COL5A2: variants seen among roughly 807,000 people sequenced by gnomAD.
COL5A2 encodes the protein collagen alpha-2(V) chain.
Under a neutral mutation model 208.2 loss-of-function variants are expected in COL5A2, and 23 were observed. The observed-to-expected ratio is 0.11, with a 90% CI of 0.08 to 0.16. The LOEUF is 0.16. Ranked by LOEUF, COL5A2 falls within the 10% of genes least tolerant of loss-of-function variation. The pLI is 1.00. For synonymous variants in COL5A2, 625 were observed against 628.5 expected, an observed-to-expected ratio of 0.99 and a Z score of 0.08; for missense variants, 1,590 against 1,956.4, an observed-to-expected ratio of 0.81 and a Z score of 3.53.
chr2:189,261,754 G>C, the COL5A2 span, among the ~76,000 whole-genome samples: 1 of 152,140 alleles, frequency 6.6e-6, no homozygotes, highest in Admixed American at 6.6e-5. Context: ...TTGGCCAGTT[G>C]CTGGGGCAAA....
the COL5A2 span, among the ~76,000 whole-genome samples, chr2:189,278,635 T>C: frequency 2.0e-5 from 3 of 152,238 alleles, no homozygotes; most frequent in South Asian, 2.1e-4. Context: ...AATTCTTTCA[T>C]TTTTCTTTGG....
At chr2:189,058,353 A>G (rs1326347537) in intron 33 of COL5A2, 76 bp downstream of exon 33, 9 of 1,134,720 alleles carry the variant, frequency 7.9e-6, no homozygotes, top group Non-Finnish European at 1.2e-5. Flanking sequence ...AGACAAATGC[A>G]TTCTCACACC....
At chr2:189,384,510 T>G in the COL5A2 span, among the ~76,000 whole-genome samples, 38 of 152,302 alleles carry the variant, frequency 2.5e-4, no homozygotes, top group African/African-American at 8.9e-4. Flanking sequence ...TGATTAGTGA[T>G]GATGAGCACT....
chr2:189,164,467 G>C (rs1688428351), intron 1 of COL5A2, among the ~76,000 whole-genome samples: 1 of 151,506 alleles, frequency 6.6e-6, no homozygotes. Context: ...AGTTATATAA[G>C]CAGTCTATTT....
the COL5A2 span, among the ~76,000 whole-genome samples, chr2:189,369,637 T>C: frequency 2.0e-5 from 3 of 152,238 alleles, no homozygotes; most frequent in African/African-American, 7.2e-5. Flanking sequence ...TAGAAGGACA[T>C]TTGTACTGAT....
chr2:189,348,109 G>T, the COL5A2 span, among the ~76,000 whole-genome samples: 5 of 151,980 alleles, frequency 3.3e-5, no homozygotes, highest in Non-Finnish European at 7.4e-5. Context: ...AGCAACCCTT[G>T]CTTAGGAAAC....
the COL5A2 span, among the ~76,000 whole-genome samples, chr2:189,256,021 A>G: frequency 2.0e-5 from 3 of 152,220 alleles, no homozygotes; most frequent in African/African-American, 7.2e-5. Context: ...TATGACCTTC[A>G]GCATTTATAT....
the COL5A2 span, among the ~76,000 whole-genome samples, chr2:189,238,137 C>A: frequency 6.7e-6 from 1 of 149,734 alleles, no homozygotes; most frequent in Admixed American, 6.6e-5. Context: ...TATGTTTCTC[C>A]TCTTCTGTTT....
intron 26 of COL5A2, among the ~76,000 whole-genome samples, 157 bp from the exon 27 acceptor site, chr2:189,063,427 A>C (rs1486365800): frequency 2.0e-5 from 3 of 152,244 alleles, no homozygotes; most frequent in African/African-American, 7.2e-5. Context: ...GGGTTTTTTA[A>C]AAAACACTGA....
chr2:189,132,565 T>A (rs1361778350), intron 1 of COL5A2, among the ~76,000 whole-genome samples: 1 of 152,122 alleles, frequency 6.6e-6, no homozygotes, highest in African/African-American at 2.4e-5. Flanking sequence ...CAAATCACAA[T>A]GTATAAGAAA....
At chr2:189,293,870 G>T in the COL5A2 span, among the ~76,000 whole-genome samples, 1 of 152,126 alleles carries the variant, frequency 6.6e-6, no homozygotes, top group African/African-American at 2.4e-5. Context: ...CACATCACAA[G>T]GTCAGGAGAT....
chr2:189,143,388 T>C (rs897495147), intron 1 of COL5A2, among the ~76,000 whole-genome samples: 3 of 152,102 alleles, frequency 2.0e-5, no homozygotes, highest in African/African-American at 7.2e-5. Context: ...TGTTTTCCAT[T>C]TCTGTTTCTA....
chr2:189,068,375 T>A, intron 19 of COL5A2, 105 bp from the exon 20 acceptor site: 2 of 1,033,400 alleles, frequency 1.9e-6, no homozygotes, highest in Non-Finnish European at 3.0e-6. Context: ...AGTAGAAGCA[T>A]TTTTTAAAAA....
the COL5A2 span, among the ~76,000 whole-genome samples, chr2:189,375,260 G>A: frequency 3.3e-5 from 5 of 151,986 alleles, no homozygotes; most frequent in African/African-American, 9.6e-5. Flanking sequence ...CTCGTGATCC[G>A]CCCACCTCGG....
Position 189,072,036 on chromosome 2 carries a change from T to C in COL5A2, c.1158+4A>G. 1 of 1,590,442 alleles carries C rather than the reference T, an allele frequency of 6.3e-7. No individual in the cohort carries two copies. The highest frequency in any genetic ancestry group is 8.6e-7 in the Non-Finnish European group (1 of 1,160,972). On this transcript the variant is annotated splice_donor_region_variant and intron_variant, in intron 18 of 53. Coordinates refer to ENST00000374866, the MANE Select transcript of COL5A2 (RefSeq NM_000393.5). ...AATACTGTATATTAACATTAACATC[T>C]TACCTTCATTCCAGGATTTCCTGGA... is the stretch of plus-strand genomic sequence containing the variant.
At chr2:189,423,085 T>C in the COL5A2 span, among the ~76,000 whole-genome samples, 2 of 148,438 alleles carry the variant, frequency 1.3e-5, no homozygotes, top group Non-Finnish European at 3.0e-5. Flanking sequence ...TTTAAAAACA[T>C]ACTGCTAAAC....
the COL5A2 span, among the ~76,000 whole-genome samples, chr2:189,417,011 T>C: frequency 1.3e-5 from 2 of 152,310 alleles, no homozygotes; most frequent in East Asian, 1.9e-4. Flanking sequence ...GTGTTTTTGC[T>C]ACATAAAGGA....
chr2:189,221,311 T>C (rs1236648303), intron 1 of COL5A2, among the ~76,000 whole-genome samples: 1 of 152,192 alleles, frequency 6.6e-6, no homozygotes. Context: ...TGCAGTCTAA[T>C]GGTTATCTTA....
chr2:189,180,394 C>T (rs1187293041), upstream of COL5A2, among the ~76,000 whole-genome samples: 5 of 152,146 alleles, frequency 3.3e-5, 1 homozygote, highest in African/African-American at 4.8e-5. Flanking sequence ...TTCCTAATTT[C>T]TCCACATCTC....
Sources: gnomAD v4.1 joint callset for allele counts (sites outside exome capture counted in the v4.1 genomes callset) on GRCh38, gnomAD v4.1.1 for gene constraint, MANE v1.5 for transcripts, NCBI Gene and HGNC (gene_info 2026-07-23, HGNC 2026-07-21) for gene names.